The following PCDHAC2 variants were observed in gnomAD, a reference collection of about 807,000 sequenced individuals.
The protein encoded by PCDHAC2 is protocadherin alpha-C2.
A neutral mutation model predicts 63.3 loss-of-function variants in PCDHAC2; 24 were observed. That is an observed-to-expected ratio of 0.38 (90% confidence interval 0.27 to 0.53). PCDHAC2 has a LOEUF of 0.53. PCDHAC2 is among the 20% of genes least tolerant of loss of function. The pLI, the probability that PCDHAC2 is intolerant of heterozygous loss-of-function variation, is 0.81. For missense variants in PCDHAC2, 1,181 were observed against 1,275.2 expected (o/e 0.93, Z 1.12); for synonymous variants, 569 against 529.4 (o/e 1.07, Z -1.03).
rs976104418 is a variant in PCDHAC2 at position 140,967,290 on chromosome 5, C to G, written c.524C>G (p.Pro175Arg). The G allele has an allele frequency of 3.1e-6, 5 of 1,612,712 alleles. No individual in the cohort carries two copies. In the African/African-American group the frequency reaches 5.3e-5, roughly 17 times the overall value. ...TTTCACATAGAGAGTGCGCAGGACC[C>G]CGACGTGGGCGCCAACTCAGTACAG... ...ARFHIESAQD[P>R]DVGANSVQTY... The change falls in exon 1 of 4, where the codon CCC becomes CGC. Residue 175 changes from proline to arginine, a missense_variant. Physicochemically the swap from Pro to Arg is moderately radical, Grantham distance 103. This residue lies in a region of PCDHAC2 where 968 missense variants were observed against 1,073.5 expected (regional missense o/e 0.90). Coordinates refer to ENST00000289269, the MANE Select transcript of PCDHAC2 (RefSeq NM_018899.6).
At position 140,982,295 on chromosome 5, in the gene PCDHAC2, G is replaced by A. The variant is rs1047633434; in HGVS notation, c.2625-180G>A. ...AGTATAGCAGGCAATAAGTAAGTCA[G>A]CAATGCTTCTGCAGTTTATGCAGGG... On this transcript the variant is annotated intron_variant, in intron 2 of 3. Coordinates refer to ENST00000289269, the MANE Select transcript of PCDHAC2 (RefSeq NM_018899.6). The A allele has an allele frequency of 3.4e-6, 4 of 1,160,172 alleles. No homozygotes were observed. In the Admixed American group the frequency reaches 8.4e-5, roughly 25 times the overall value. 71.9% of individuals were successfully genotyped at this position (1,160,172 alleles called of 1,614,324 possible).
chr5:140,980,490 C>T (rs185528514), intron 2 of PCDHAC2, among the ~76,000 whole-genome samples: 39 of 152,096 alleles, frequency 2.6e-4, no homozygotes, highest in Admixed American at 4.6e-4. Context: ...ATTAGCTGGG[C>T]GTGATGGCAT....
chr5:140,998,639 A>G (rs1165002908), intron 3 of PCDHAC2, among the ~76,000 whole-genome samples: 2 of 151,766 alleles, frequency 1.3e-5, no homozygotes, highest in African/African-American at 2.4e-5. Flanking sequence ...ATCTCAGCTC[A>G]CTGCAACCTC....
chr5:140,994,429 G>A (rs1474074265), intron 3 of PCDHAC2, among the ~76,000 whole-genome samples: 1 of 152,110 alleles, frequency 6.6e-6, no homozygotes, highest in Non-Finnish European at 1.5e-5. Flanking sequence ...GAGGCCGGGC[G>A]CAGTGGCTCA....
intron 3 of PCDHAC2, among the ~76,000 whole-genome samples, chr5:140,985,006 C>T (rs892412151): frequency 1.3e-5 from 2 of 151,922 alleles, no homozygotes; most frequent in South Asian, 2.1e-4. Context: ...GGCACGATAT[C>T]GGCTCACAGC....
chr5:140,995,324 G>A (rs1290299693), intron 3 of PCDHAC2, among the ~76,000 whole-genome samples: 1 of 152,190 alleles, frequency 6.6e-6, no homozygotes, highest in African/African-American at 2.4e-5. Context: ...GAACTAACAG[G>A]TGAGTAGTGT....
intron 1 of PCDHAC2, among the ~76,000 whole-genome samples, chr5:140,978,737 G>A (rs2096820627): frequency 6.6e-6 from 1 of 152,180 alleles, no homozygotes; most frequent in Admixed American, 6.5e-5. Context: ...GGTCTTCCAG[G>A]GTATCTAATC....
intron 3 of PCDHAC2, among the ~76,000 whole-genome samples, chr5:141,000,038 C>T (rs1554257087): frequency 3.3e-5 from 5 of 152,092 alleles, no homozygotes; most frequent in Non-Finnish European, 5.9e-5. Flanking sequence ...TCCAATCACA[C>T]ACACACCACT....
At chr5:140,977,671 A>G (rs2096770792) in intron 1 of PCDHAC2, among the ~76,000 whole-genome samples, 1 of 152,178 alleles carries the variant, frequency 6.6e-6, no homozygotes, top group South Asian at 2.1e-4. Flanking sequence ...CTGCATGCCA[A>G]ATATCATGTA....
intron 3 of PCDHAC2, among the ~76,000 whole-genome samples, chr5:140,983,914 AGGATT>A (rs1327360241): frequency 6.6e-6 from 1 of 152,244 alleles, no homozygotes; most frequent in Non-Finnish European, 1.5e-5. Flanking sequence ...CTAATCAGCC[AGGATT>A]TGCTATTTAT....
chr5:140,981,443 G>A lies in PCDHAC2; in HGVS notation c.2625-1032G>A, dbSNP rs530782878. ...ACAAAAATGAGCCAGGCATGGTGGC[G>A]GGTGCCTGTAGTCCCAGCTACTTGG... On this transcript the variant is annotated intron_variant, in intron 2 of 3. Transcript: ENST00000289269. Among the ~76,000 whole-genome samples, 6 of 152,126 alleles carry A rather than the reference G, an allele frequency of 3.9e-5. No homozygotes were observed. The Middle Eastern group carries it at 0.01, about 259-fold the overall frequency.
At chr5:141,009,104 T>G (rs2098399543) in intron 3 of PCDHAC2, among the ~76,000 whole-genome samples, 1 of 152,220 alleles carries the variant, frequency 6.6e-6, no homozygotes, top group Non-Finnish European at 1.5e-5. Flanking sequence ...CATATGTTAC[T>G]ATGAAACTAG....
chr5:140,967,282 G>T lies in PCDHAC2; in HGVS notation c.516G>T (p.Ala172=). The T allele has an allele frequency of 6.2e-7, 1 of 1,613,078 alleles. No individual in the cohort carries two copies. ...GAGCGCGCTTTCACATAGAGAGTGC[G>T]CAGGACCCCGACGTGGGCGCCAACT... ...APGARFHIES[A]QDPDVGANSV... is the part of the protein sequence containing the mutation. Residue 172 remains alanine, a synonymous_variant, in exon 1 of 4, where the codon GCG becomes GCT. Transcript: ENST00000289269.
intron 3 of PCDHAC2, among the ~76,000 whole-genome samples, chr5:141,007,395 C>CAAAAAAAA (rs35800918): frequency 4.0e-3 from 379 of 94,450 alleles, no homozygotes; most frequent in Non-Finnish European, 5.7e-3. Context: ...TACTAAAATA[C>CAAAAAAAA]AAAAAAAAAA....
intron 3 of PCDHAC2, among the ~76,000 whole-genome samples, chr5:140,988,762 C>T (rs546274253): frequency 6.6e-6 from 1 of 152,308 alleles, no homozygotes; most frequent in South Asian, 2.1e-4. Context: ...GGGCAGAATA[C>T]AGTCATGGTT....
At chr5:140,984,157 C>G (rs1187103463) in intron 3 of PCDHAC2, among the ~76,000 whole-genome samples, 1 of 152,228 alleles carries the variant, frequency 6.6e-6, no homozygotes, top group Non-Finnish European at 1.5e-5. Flanking sequence ...AAGGTGAGAA[C>G]TTCCCAAAGA....
intron 3 of PCDHAC2, among the ~76,000 whole-genome samples, chr5:141,006,952 A>G (rs2098296225): frequency 1.3e-5 from 2 of 152,212 alleles, no homozygotes; most frequent in South Asian, 4.1e-4. Flanking sequence ...ATAGGCAGTT[A>G]TACATGAGAT....
chr5:140,976,615 G>C (rs1264627090), intron 1 of PCDHAC2, among the ~76,000 whole-genome samples: 2 of 152,102 alleles, frequency 1.3e-5, no homozygotes, highest in Admixed American at 1.3e-4. Context: ...AAACATGACT[G>C]TCAGCTGAAC....
intron 3 of PCDHAC2, among the ~76,000 whole-genome samples, chr5:140,989,910 G>A (rs941838001): frequency 3.3e-5 from 5 of 152,062 alleles, no homozygotes; most frequent in African/African-American, 1.2e-4. Flanking sequence ...ATCAGAAAAA[G>A]AGGGAGAGCA....
Sources: allele counts gnomAD v4.1 joint callset (sites outside exome capture counted in the v4.1 genomes callset), GRCh38; gene constraint gnomAD v4.1.1; regional missense constraint gnomAD v4.1.1; transcripts MANE v1.5; gene names NCBI Gene and HGNC (gene_info 2026-07-23, HGNC 2026-07-21).